STK3: variants seen among roughly 807,000 people sequenced by gnomAD.
The protein encoded by STK3 is serine/threonine kinase 3.
Under a neutral mutation model 58.0 loss-of-function variants are expected in STK3, and 41 were observed. The ratio of observed to expected loss-of-function variants is 0.71; its 90% CI spans 0.55 to 0.92. The LOEUF is 0.92. Among genes scored for constraint, STK3 ranks in the 40% least tolerant of loss-of-function variants. The pLI is 0.00. For synonymous variants in STK3, 170 were observed against 191.0 expected, an observed-to-expected ratio of 0.89 and a Z score of 0.91; for missense variants, 479 against 602.7, an observed-to-expected ratio of 0.79 and a Z score of 2.15.
chr8:98,905,119 G>C, intron 1 of STK3: 1 of 1,440,824 alleles, frequency 6.9e-7, no homozygotes, highest in Non-Finnish European at 9.7e-7. Flanking sequence ...TCTGCCACAC[G>C]ACCCGTACGA....
chr8:98,721,238 C>A, intron 4 of STK3: 1 of 421,194 alleles, frequency 2.4e-6, no homozygotes, highest in Non-Finnish European at 3.2e-6. Context: ...AGTTTCAAAT[C>A]ACTAAGCAGG....
chr8:98,641,688 G>A (rs967741620), intron 6 of STK3, among the ~76,000 whole-genome samples: 1 of 152,128 alleles, frequency 6.6e-6, no homozygotes, highest in African/African-American at 2.4e-5. Flanking sequence ...TGTCCTCAAT[G>A]CAACTTATCA....
intron 1 of STK3, among the ~76,000 whole-genome samples, chr8:98,924,984 G>T (rs1839729130): frequency 6.6e-6 from 1 of 152,110 alleles, no homozygotes; most frequent in Non-Finnish European, 1.5e-5. Context: ...AATAATGAGG[G>T]ACAAAGGAGA....
intron 2 of STK3, among the ~76,000 whole-genome samples, chr8:98,435,916 T>C (rs1818468728): frequency 6.6e-6 from 1 of 152,138 alleles, no homozygotes; most frequent in South Asian, 2.1e-4. Flanking sequence ...TTCTCTCCCT[T>C]TCCCTGAGAA....
chr8:98,870,624 G>A (rs1423552438), intron 3 of STK3, among the ~76,000 whole-genome samples: 1 of 152,122 alleles, frequency 6.6e-6, no homozygotes, highest in African/African-American at 2.4e-5. Context: ...GTGTCTGTTG[G>A]CTGCATAAAT....
intron 4 of STK3, among the ~76,000 whole-genome samples, chr8:98,743,266 C>T (rs552373932): frequency 1.6e-3 from 241 of 150,902 alleles, no homozygotes; most frequent in African/African-American, 5.5e-3. Context: ...AAAAAGAGCC[C>T]GCATCGCCAA....
At chr8:98,618,563 C>T (rs972047471) in intron 6 of STK3, among the ~76,000 whole-genome samples, 3 of 147,480 alleles carry the variant, frequency 2.0e-5, no homozygotes, top group African/African-American at 7.6e-5. Context: ...ATCTAGAAAA[C>T]CCCATTGTCT....
At chr8:98,898,864 T>G (rs903479773) in intron 1 of STK3, among the ~76,000 whole-genome samples, 1 of 152,204 alleles carries the variant, frequency 6.6e-6, no homozygotes, top group Non-Finnish European at 1.5e-5. Flanking sequence ...GACATGTAGC[T>G]AATTCAAACA....
chr8:98,403,790 A>G (rs1817967291), intron 3 of STK3, among the ~76,000 whole-genome samples: 1 of 152,220 alleles, frequency 6.6e-6, no homozygotes, highest in Non-Finnish European at 1.5e-5. Context: ...ACGTGTCTTC[A>G]TCCTCCAAAC....
chr8:98,526,734 GT>G lies in STK3; in HGVS notation c.1317+7del, dbSNP rs1554612117. On this transcript the variant is annotated splice_region_variant and intron_variant, in intron 10 of 10. Transcript: ENST00000419617. ...AAAACATAAATTGAAGAATTAAAATGTACTTACAAAGTCAAAGTCTCCATCT... is the reference window on the plus strand; with the variant it reads ...AAAACATAAATTGAAGAATTAAAATGACTTACAAAGTCAAAGTCTCCATCT... The G allele has an allele frequency of 1.3e-6, 2 of 1,540,848 alleles. No individual in the cohort carries two copies. Among genetic ancestry groups the G allele is most frequent in the Non-Finnish European group, 1.7e-6 (2 of 1,143,654 alleles).
chr8:98,813,038 A>AT (rs1470954379), intron 1 of STK3, among the ~76,000 whole-genome samples: 1 of 151,560 alleles, frequency 6.6e-6, no homozygotes. Context: ...AGCACAATAA[A>AT]AAAAAAAAAA....
chr8:98,736,400 T>C (rs1017984502), intron 4 of STK3, among the ~76,000 whole-genome samples: 3 of 152,168 alleles, frequency 2.0e-5, no homozygotes, highest in African/African-American at 7.2e-5. Flanking sequence ...AGGAGCCAGT[T>C]CTCATTGTAA....
intron 9 of STK3, among the ~76,000 whole-genome samples, chr8:98,538,184 T>C (rs1263433492): frequency 6.6e-6 from 1 of 152,234 alleles, no homozygotes; most frequent in Non-Finnish European, 1.5e-5. Flanking sequence ...AAAAATATTT[T>C]AAGATGTGGG....
At chr8:98,427,912 G>A in intron 3 of STK3, 2 of 1,352,248 alleles carry the variant, frequency 1.5e-6, no homozygotes, top group Non-Finnish European at 2.0e-6. Context: ...CGGCGCTCTC[G>A]CCGACGCTGT....
At chr8:98,425,159 G>T (rs568880673) in intron 3 of STK3, among the ~76,000 whole-genome samples, 1 of 152,360 alleles carries the variant, frequency 6.6e-6, no homozygotes, top group Non-Finnish European at 1.5e-5. Flanking sequence ...TGGGGATGAA[G>T]GAGATCCAGG....
intron 6 of STK3, among the ~76,000 whole-genome samples, chr8:98,698,733 G>A (rs1456152605): frequency 1.3e-5 from 2 of 152,196 alleles, no homozygotes; most frequent in Non-Finnish European, 2.9e-5. Context: ...TGAGAGATCA[G>A]CTGTTAGTCT....
intron 10 of STK3, among the ~76,000 whole-genome samples, chr8:98,496,070 A>G (rs1384594247): frequency 6.6e-6 from 1 of 152,178 alleles, no homozygotes; most frequent in Non-Finnish European, 1.5e-5. Context: ...TATTGGTTTA[A>G]AGATCTGACC....
At chr8:98,451,173 T>C (rs1819181605), downstream of STK3, among the ~76,000 whole-genome samples, 2 of 152,162 alleles carry the variant, frequency 1.3e-5, no homozygotes, top group East Asian at 3.9e-4. Flanking sequence ...AGACAGCCTG[T>C]ATGATTAATG....
chr8:98,664,707 C>T (rs976283427), intron 6 of STK3, among the ~76,000 whole-genome samples: 1 of 151,898 alleles, frequency 6.6e-6, no homozygotes, highest in Non-Finnish European at 1.5e-5. Context: ...ATAAGTTCAC[C>T]GAAAGCATAA....
Sources: gnomAD v4.1 joint callset for allele counts (sites outside exome capture counted in the v4.1 genomes callset) on GRCh38, gnomAD v4.1.1 for gene constraint, MANE v1.5 for transcripts, NCBI Gene and HGNC (gene_info 2026-07-23, HGNC 2026-07-21) for gene names.